The following TTC6 variants were observed in gnomAD, a reference collection of about 807,000 sequenced individuals.
The protein encoded by TTC6 is tetratricopeptide repeat domain 6.
TTC6 carries 172 observed loss-of-function variants against 210.4 expected under a neutral mutation model. The ratio of observed to expected loss-of-function variants is 0.82; its 90% CI spans 0.72 to 0.93. TTC6 has a LOEUF of 0.93. Among genes scored for constraint, TTC6 ranks in the 40% least tolerant of loss-of-function variants. The pLI is 0.00. For synonymous variants in TTC6, 804 were observed against 819.6 expected, an observed-to-expected ratio of 0.98 and a Z score of 0.32; for missense variants, 2,414 against 2,318.1, an observed-to-expected ratio of 1.04 and a Z score of -0.85.
rs1157336007 is a variant in TTC6 at position 37,726,537 on chromosome 14, A to G, written c.1818+1535A>G. On this transcript the variant is annotated intron_variant, in intron 7 of 30. Coordinates refer to ENST00000553443, the Ensembl canonical transcript of TTC6. The stretch of plus-strand genomic sequence containing the variant: ...ATATTTTATTTTTAATTTTAAATAT[A>G]TACTCATGGGTGAAATATCTGTGTA... Among the ~76,000 whole-genome samples, 5 of 152,170 alleles carry G rather than the reference A, an allele frequency of 3.3e-5. No homozygotes were observed. The East Asian group carries it at 9.6e-4, about 29-fold the overall frequency.
At chr14:37,664,252 A>G (rs1202789757) in intron 1 of TTC6, among the ~76,000 whole-genome samples, 1 of 150,702 alleles carries the variant, frequency 6.6e-6, no homozygotes, top group Non-Finnish European at 1.5e-5. Flanking sequence ...ATTTCAAACT[A>G]TACTAAAGGC....
At chr14:37,741,632 T>C (rs760655409) in intron 10 of TTC6, among the ~76,000 whole-genome samples, 3 of 152,196 alleles carry the variant, frequency 2.0e-5, no homozygotes, top group Non-Finnish European at 4.4e-5. Context: ...GATGTGCTTC[T>C]TACCATTTTA....
chr14:37,826,679 A>G (rs971394057), intron 28 of TTC6, among the ~76,000 whole-genome samples: 1 of 152,122 alleles, frequency 6.6e-6, no homozygotes, highest in African/African-American at 2.4e-5. Flanking sequence ...CTAAAGAGAG[A>G]ACAATGTAAA....
chr14:37,819,896 C>T (rs1354807589), intron 26 of TTC6, among the ~76,000 whole-genome samples: 11 of 152,128 alleles, frequency 7.2e-5, no homozygotes, highest in African/African-American at 2.4e-4. Flanking sequence ...CACAGAACGT[C>T]GTAAGTAGAA....
chr14:37,761,015 G>A (rs2095982765), intron 14 of TTC6, among the ~76,000 whole-genome samples: 2 of 152,088 alleles, frequency 1.3e-5, no homozygotes, highest in South Asian at 4.1e-4. Context: ...CCTTTCCAGG[G>A]GAGTAAGTGG....
intron 9 of TTC6, 135 bp downstream of exon 11, chr14:37,737,869 T>TC: frequency 2.1e-6 from 1 of 485,838 alleles, no homozygotes; most frequent in Non-Finnish European, 3.5e-6. Flanking sequence ...GAGTTTTATA[T>TC]AGTTTCTTGA....
chr14:37,692,613 C>A (rs950516360), intron 3 of TTC6, among the ~76,000 whole-genome samples: 18 of 152,158 alleles, frequency 1.2e-4, no homozygotes, highest in African/African-American at 4.1e-4. Context: ...AATCTCAGCA[C>A]TTTGGGAGGC....
intron 7 of TTC6, among the ~76,000 whole-genome samples, chr14:37,730,553 ACTTT>A (rs943142217): frequency 3.7e-4 from 56 of 152,206 alleles, no homozygotes; most frequent in African/African-American, 1.3e-3. Flanking sequence ...TGTTTTTCTG[ACTTT>A]CTTTCCACAA....
At chr14:37,749,740 C>T (rs573871346) in exon 12 of TTC6, 3 of 1,445,580 alleles carry the variant, frequency 2.1e-6, no homozygotes, top group South Asian at 1.5e-5. Flanking sequence ...CATTGTTTCT[C>T]AATGCCTATT....
intron 3 of TTC6, among the ~76,000 whole-genome samples, chr14:37,690,636 G>T (rs1566890331): frequency 6.6e-6 from 1 of 152,084 alleles, no homozygotes; most frequent in African/African-American, 2.4e-5. Context: ...AGAAAAAGAA[G>T]GTCACTAAAC....
chr14:37,648,836 TATC>T lies in TTC6; in HGVS notation c.939+25836_939+25838del, dbSNP rs1320435153. Among the ~76,000 whole-genome samples the T allele has an allele frequency of 2.6e-5, 4 of 152,316 alleles. No homozygotes were observed. The East Asian group carries it at 7.7e-4, about 29-fold the overall frequency. On this transcript the variant is annotated intron_variant, in intron 1 of 30. Transcript: ENST00000553443. ...TTTATTCATGTTTCCCCACATTTAT[TATC>T]ATGAAGTCATTAATAGATTATTTCT... is the stretch of plus-strand genomic sequence containing the variant.
intron 3 of TTC6, among the ~76,000 whole-genome samples, chr14:37,689,917 A>G (rs2095800527): frequency 6.6e-6 from 1 of 152,196 alleles, no homozygotes; most frequent in Admixed American, 6.5e-5. Flanking sequence ...ACAGAAAAAC[A>G]GAATATTATA....
chr14:37,705,585 A>G (rs974263601), intron 5 of TTC6, among the ~76,000 whole-genome samples: 1 of 152,172 alleles, frequency 6.6e-6, no homozygotes, highest in African/African-American at 2.4e-5. Flanking sequence ...CCATGTCAAT[A>G]AATATTGATC....
At chr14:37,625,721 C>A (rs768019533) in intron 1 of TTC6, among the ~76,000 whole-genome samples, 27 of 152,222 alleles carry the variant, frequency 1.8e-4, no homozygotes, top group Admixed American at 3.9e-4. Flanking sequence ...CTTTAGAAAT[C>A]ATAACTTGCA....
intron 3 of TTC6, among the ~76,000 whole-genome samples, chr14:37,693,916 CAAAAT>C (rs928218726): frequency 6.6e-6 from 1 of 151,962 alleles, no homozygotes; most frequent in Non-Finnish European, 1.5e-5. Context: ...TCACCATAGA[CAAAAT>C]CAAATCAAAA....
chr14:37,698,134 T>A (rs577678187), intron 4 of TTC6, among the ~76,000 whole-genome samples: 80 of 152,270 alleles, frequency 5.3e-4, no homozygotes, highest in South Asian at 2.3e-3. Context: ...TCTGATTTTT[T>A]AAAAATTATA....
intron 1 of TTC6, among the ~76,000 whole-genome samples, chr14:37,596,428 G>A (rs893032558): frequency 5.9e-5 from 9 of 152,264 alleles, no homozygotes; most frequent in African/African-American, 1.9e-4. Context: ...GATCTCAGGG[G>A]CTCGCTTGGT....
intron 7 of TTC6, among the ~76,000 whole-genome samples, chr14:37,733,133 A>G: frequency 6.6e-6 from 1 of 152,294 alleles, no homozygotes; most frequent in African/African-American, 2.4e-5. Context: ...AATATACATT[A>G]ATACCTTTAT....
downstream of TTC6, chr14:37,842,635 C>T (rs3825636): frequency 0.89 from 141,496 of 159,260 alleles, 63,428 homozygotes; most frequent in Non-Finnish European, 0.95. Flanking sequence ...AAAAGTGTCA[C>T]TGACCTTTTC....
Sources: allele counts gnomAD v4.1 joint callset (sites outside exome capture counted in the v4.1 genomes callset), GRCh38; gene constraint gnomAD v4.1.1; transcripts MANE v1.5; gene names NCBI Gene and HGNC (gene_info 2026-07-23, HGNC 2026-07-21).